Variants in TNFAIP8 observed in about 807,000 individuals in gnomAD.
TNFAIP8 encodes the protein tumor necrosis factor alpha-induced protein 8.
In TNFAIP8, 7 loss-of-function variants were observed where a neutral mutation model predicts 13.3. The ratio of observed to expected loss-of-function variants is 0.52; its 90% CI spans 0.30 to 0.99. TNFAIP8 has a LOEUF of 0.99. Ranked by LOEUF, TNFAIP8 falls within the 50% of genes least tolerant of loss-of-function variation. The probability of loss-of-function intolerance (pLI) is 0.07; values close to 1 mark genes in which losing one functional copy is unlikely to be tolerated. For synonymous variants in TNFAIP8, 94 were observed against 87.6 expected (o/e 1.07, Z -0.41); for missense variants, 258 against 236.9 (o/e 1.09, Z -0.58).
chr5:119,307,160 T>C (rs974300420), intron 1 of TNFAIP8, among the ~76,000 whole-genome samples: 36 of 152,340 alleles, frequency 2.4e-4, no homozygotes, highest in African/African-American at 8.2e-4. Flanking sequence ...AGAAATCTAC[T>C]TCATTCTTTT....
chr5:119,326,518 T>C (rs1750231300), intron 1 of TNFAIP8, among the ~76,000 whole-genome samples: 1 of 152,170 alleles, frequency 6.6e-6, no homozygotes, highest in Admixed American at 6.5e-5. Flanking sequence ...TGTTGACTCA[T>C]GGACTCAGAC....
At chr5:119,335,462 A>G (rs1168060956) in intron 1 of TNFAIP8, among the ~76,000 whole-genome samples, 1 of 152,130 alleles carries the variant, frequency 6.6e-6, no homozygotes, top group Non-Finnish European at 1.5e-5. Context: ...CAGTGGAGTG[A>G]AAGCATACCG....
intron 1 of TNFAIP8, among the ~76,000 whole-genome samples, chr5:119,304,655 C>T (rs1561992586): frequency 6.6e-6 from 1 of 152,324 alleles, no homozygotes; most frequent in African/African-American, 2.4e-5. Context: ...GAGCTCACTT[C>T]TATGAGATGA....
intron 1 of TNFAIP8, among the ~76,000 whole-genome samples, chr5:119,295,225 CGTTAGA>C (rs1749135747): frequency 2.1e-5 from 1 of 48,204 alleles, no homozygotes; most frequent in African/African-American, 2.9e-4. Context: ...TTTAGTCTAA[CGTTAGA>C]CCTATAGGTC....
chr5:119,285,106 A>G (rs1044328233), intron 1 of TNFAIP8, among the ~76,000 whole-genome samples: 6 of 152,166 alleles, frequency 3.9e-5, no homozygotes, highest in African/African-American at 1.4e-4. Context: ...TAAGCAAAGG[A>G]CGCAGCCATT....
intron 1 of TNFAIP8, among the ~76,000 whole-genome samples, chr5:119,375,726 A>G (rs1429431899): frequency 3.3e-5 from 5 of 152,168 alleles, no homozygotes; most frequent in African/African-American, 1.2e-4. Flanking sequence ...GGCTCTATTA[A>G]ATTTTAAATA....
chr5:119,310,947 A>G (rs1749710935), intron 1 of TNFAIP8, among the ~76,000 whole-genome samples: 1 of 152,184 alleles, frequency 6.6e-6, no homozygotes, highest in South Asian at 2.1e-4. Flanking sequence ...GTTTTCAAAC[A>G]AAAGCATTAT....
chr5:119,383,448 A>G (rs1752559681), intron 1 of TNFAIP8, among the ~76,000 whole-genome samples: 1 of 152,146 alleles, frequency 6.6e-6, no homozygotes, highest in South Asian at 2.1e-4. Context: ...CCTTCTCATC[A>G]CTTACTGAAG....
chr5:119,325,623 G>A (rs751609413), intron 1 of TNFAIP8, among the ~76,000 whole-genome samples: 6 of 152,022 alleles, frequency 3.9e-5, no homozygotes, highest in Non-Finnish European at 5.9e-5. Context: ...AATTTTTTTT[G>A]TATTTTAGTA....
chr5:119,365,382 C>G (rs1057336770), intron 1 of TNFAIP8, among the ~76,000 whole-genome samples: 6 of 152,312 alleles, frequency 3.9e-5, no homozygotes, highest in African/African-American at 1.4e-4. Context: ...TAGATTCCCT[C>G]TGAGATGGTA....
intron 1 of TNFAIP8, among the ~76,000 whole-genome samples, chr5:119,317,288 G>A (rs1456534541): frequency 1.3e-5 from 2 of 152,160 alleles, no homozygotes; most frequent in Admixed American, 6.5e-5. Context: ...ATAGAAATTA[G>A]CCAAAATAAA....
chr5:119,356,617 C>A (rs1751431705), intron 1 of TNFAIP8, among the ~76,000 whole-genome samples: 2 of 151,302 alleles, frequency 1.3e-5, no homozygotes, highest in Admixed American at 1.3e-4. Flanking sequence ...AATTTTTTTT[C>A]ATTGCTGGGT....
intron 1 of TNFAIP8, among the ~76,000 whole-genome samples, chr5:119,366,361 T>C (rs780287879): frequency 2.6e-5 from 4 of 152,110 alleles, no homozygotes; most frequent in Non-Finnish European, 4.4e-5. Context: ...AGAAGCTCTC[T>C]AGTGCTTCTG....
intron 1 of TNFAIP8, among the ~76,000 whole-genome samples, chr5:119,361,557 A>G (rs964317194): frequency 1.3e-5 from 2 of 152,216 alleles, no homozygotes; most frequent in East Asian, 3.8e-4. Flanking sequence ...AGTTTCTTCT[A>G]AGAAGGTGAT....
At position 119,398,446 on chromosome 5, in the gene TNFAIP8, T is replaced by A. The variant is rs1348780657; in HGVS notation, c.*5065T>A. On this transcript the variant is annotated 3_prime_UTR_variant, in exon 2 of 2. Coordinates refer to ENST00000504771, the MANE Select transcript of TNFAIP8 (RefSeq NM_014350.4). ...CTGTAATCCCAACACTTCGGGAGACTGAGGTGGGCGGATCACCTGAGGTCC... is the reference window on the plus strand; with the variant it reads ...CTGTAATCCCAACACTTCGGGAGACAGAGGTGGGCGGATCACCTGAGGTCC... The A allele has an allele frequency of 6.6e-6, 1 of 152,196 alleles. No homozygotes were observed. The highest frequency in any genetic ancestry group is 1.5e-5 in the Non-Finnish European group (1 of 68,064). The allele number at this position is 152,196 out of a possible 1,614,324, so 9.4% of individuals were successfully genotyped here.
At chr5:119,283,278 C>A (rs1421516389) in intron 1 of TNFAIP8, among the ~76,000 whole-genome samples, 1 of 152,068 alleles carries the variant, frequency 6.6e-6, no homozygotes, top group African/African-American at 2.4e-5. Flanking sequence ...AGGAAAAAAA[C>A]AATCTTATGA....
chr5:119,275,013 AT>A (rs5870846), intron 1 of TNFAIP8, among the ~76,000 whole-genome samples: 24,234 of 142,632 alleles, frequency 0.17, 2,289 homozygotes, highest in African/African-American at 0.28. Flanking sequence ...TTTTTTTTTA[AT>A]TTTTTTTTTT....
intron 1 of TNFAIP8, among the ~76,000 whole-genome samples, chr5:119,346,048 A>G (rs1441889244): frequency 6.6e-6 from 1 of 152,160 alleles, no homozygotes; most frequent in Non-Finnish European, 1.5e-5. Flanking sequence ...GCACCCAAAC[A>G]CATGCTTCTC....
chr5:119,351,951 A>G (rs907626713), upstream of TNFAIP8, among the ~76,000 whole-genome samples: 11 of 151,994 alleles, frequency 7.2e-5, no homozygotes, highest in African/African-American at 2.7e-4. Flanking sequence ...CACTGTGCTC[A>G]GTTAATTTTT....
Sources: gnomAD v4.1 joint callset for allele counts (sites outside exome capture counted in the v4.1 genomes callset) on GRCh38, gnomAD v4.1.1 for gene constraint, MANE v1.5 for transcripts, NCBI Gene and HGNC (gene_info 2026-07-23, HGNC 2026-07-21) for gene names.